CEP126: variants seen among roughly 807,000 people sequenced by gnomAD.
CEP126 encodes centrosomal protein 126.
CEP126 carries 74 observed loss-of-function variants against 107.8 expected under a neutral mutation model. The observed-to-expected ratio is 0.69, with a 90% CI of 0.57 to 0.83. The LOEUF (loss-of-function observed/expected upper bound fraction) is 0.83. Among genes scored for constraint, CEP126 ranks in the 40% least tolerant of loss-of-function variants. The probability of loss-of-function intolerance (pLI) is 0.00; values close to 1 mark genes in which losing one functional copy is unlikely to be tolerated. For missense variants in CEP126, 1,237 were observed against 1,281.9 expected, an observed-to-expected ratio of 0.96 and a Z score of 0.53; for synonymous variants, 449 against 446.0, an observed-to-expected ratio of 1.01 and a Z score of -0.08.
In CEP126 at chr11:101,958,215, A is replaced by AG. The variant is rs751155086; in HGVS notation, c.555dup (p.His186AlafsTer12). 1.2e-6 allele frequency: 2 copies of AG among 1,614,006 alleles called. No homozygotes were observed. The highest frequency in any genetic ancestry group is 1.7e-6 in the Non-Finnish European group (2 of 1,179,926). ...TCCGCATTATCAAAAAATGATCACA[A>AG]GCATCAGAAACAACTCTTATCCAAA... On this transcript the variant is annotated frameshift_variant, in exon 5 of 11. Transcript: ENST00000263468. LOFTEE classifies it high-confidence loss of function.
rs1217102199 is a variant in CEP126 at position 101,962,851 on chromosome 11, G to A, written c.1816G>A (p.Ala606Thr). ...GAGCTTTAAGTTTGGAAATCAAAAAGCAGCAGCTATCAGAGATAGTATTGA... is the reference window on the plus strand; with the variant it reads ...GAGCTTTAAGTTTGGAAATCAAAAAACAGCAGCTATCAGAGATAGTATTGA... ...NQSFKFGNQK[A>T]AAIRDSIELT... The change falls in exon 6 of 11, where the codon GCA becomes ACA. Residue 606 changes from alanine to threonine, a missense_variant. This residue lies in a region of CEP126 where 1,134 missense variants were observed against 1,150.5 expected (regional missense o/e 0.99). Transcript: ENST00000263468. The A allele has an allele frequency of 8.1e-6, 13 of 1,604,820 alleles. No individual in the cohort carries two copies. The highest frequency in any genetic ancestry group is 1.7e-5 in the Admixed American group (1 of 57,944).
intron 6 of CEP126, among the ~76,000 whole-genome samples, chr11:101,977,464 C>T (rs61916026): frequency 0.012 from 1,755 of 151,744 alleles, 22 homozygotes; most frequent in Non-Finnish European, 0.02. Context: ...AACCCCGTCT[C>T]TACTAAAAAT....
chr11:101,931,910 G>A (rs192803782), intron 2 of CEP126, among the ~76,000 whole-genome samples: 2 of 152,280 alleles, frequency 1.3e-5, no homozygotes, highest in African/African-American at 2.4e-5. Flanking sequence ...CAAATAGTTC[G>A]GCATATAGCT....
chr11:101,975,064 G>T (rs1419720835), intron 6 of CEP126, among the ~76,000 whole-genome samples: 4 of 152,110 alleles, frequency 2.6e-5, no homozygotes, highest in Non-Finnish European at 4.4e-5. Flanking sequence ...GACTTCTCAA[G>T]ATTTAGAGGA....
chr11:101,924,512 C>T (rs1191336737), intron 2 of CEP126, among the ~76,000 whole-genome samples: 1 of 152,030 alleles, frequency 6.6e-6, no homozygotes, highest in Admixed American at 6.6e-5. Flanking sequence ...GTCACTCAGG[C>T]TGGAGTACAG....
At position 101,992,045 on chromosome 11, in the gene CEP126, T is replaced by C. The variant is rs549235439; in HGVS notation, c.3245-733T>C. ...CAGGAAGCTTCCAAGGTAGTGATAATGTTCAAATTTCTTAATCTAGGTGGT... is the reference window on the plus strand; with the variant it reads ...CAGGAAGCTTCCAAGGTAGTGATAACGTTCAAATTTCTTAATCTAGGTGGT... On this transcript the variant is annotated intron_variant, in intron 9 of 10. Coordinates refer to ENST00000263468, the MANE Select transcript of CEP126 (RefSeq NM_020802.4). Among the ~76,000 whole-genome samples, 22 of 152,252 alleles carry C rather than the reference T, an allele frequency of 1.4e-4. No individual in the cohort carries two copies. The South Asian group carries it at 3.9e-3, about 27-fold the overall frequency.
chr11:101,992,111 A>G (rs1170760743), intron 9 of CEP126, among the ~76,000 whole-genome samples: 2 of 151,954 alleles, frequency 1.3e-5, no homozygotes, highest in African/African-American at 2.4e-5. Flanking sequence ...TAAAATATGC[A>G]TATGTTTTAT....
At chr11:101,916,796 A>T (rs56158061) in intron 1 of CEP126, among the ~76,000 whole-genome samples, 3,895 of 152,172 alleles carry the variant, frequency 0.026, 164 homozygotes, top group African/African-American at 0.089. Flanking sequence ...TTTAAATTTT[A>T]TGTGGTATAA....
At chr11:101,959,921 A>G (rs1196472785) in intron 5 of CEP126, among the ~76,000 whole-genome samples, 1 of 152,232 alleles carries the variant, frequency 6.6e-6, no homozygotes, top group African/African-American at 2.4e-5. Flanking sequence ...AGCCATCAAC[A>G]CATTTAATTA....
chr11:101,976,389 G>C (rs186934318), intron 6 of CEP126, among the ~76,000 whole-genome samples: 84 of 152,132 alleles, frequency 5.5e-4, no homozygotes, highest in African/African-American at 2.0e-3. Flanking sequence ...GATGATAATA[G>C]TGCCTATGGC....
intron 6 of CEP126, among the ~76,000 whole-genome samples, chr11:101,969,057 G>A (rs1173172670): frequency 6.6e-6 from 1 of 152,080 alleles, no homozygotes; most frequent in Non-Finnish European, 1.5e-5. Flanking sequence ...GTCTCACTCT[G>A]TCACCCAGGC....
intron 4 of CEP126, 152 bp from the exon 5 acceptor site, chr11:101,958,016 A>G: frequency 2.9e-6 from 2 of 683,958 alleles, no homozygotes; most frequent in Non-Finnish European, 4.9e-6. Context: ...TTAAATTCTC[A>G]TTCTAACATG....
chr11:101,999,090 A>G lies in CEP126; in HGVS notation c.*1447A>G, dbSNP rs1941478001. On this transcript the variant is annotated 3_prime_UTR_variant, in exon 11 of 11. Coordinates refer to ENST00000263468, the MANE Select transcript of CEP126 (RefSeq NM_020802.4). ...TTAATTTTAAGAATAGGATTTCGGA[A>G]GGCGACAGAAAATTTAGTTCTTAGA... 1.3e-5 allele frequency: 2 copies of G among 152,216 alleles called. No individual in the cohort carries two copies. The highest frequency in any genetic ancestry group is 4.8e-5 in the African/African-American group (2 of 41,448). 9.4% of individuals were successfully genotyped at this position (152,216 alleles called of 1,614,324 possible). A position where few individuals can be genotyped will look rare whatever the true frequency, so the allele number is the denominator to read the frequency against.
At position 101,962,016 on chromosome 11, in the gene CEP126, C is replaced by T; in HGVS notation, c.981C>T (p.Phe327=). The T allele has an allele frequency of 1.2e-6, 2 of 1,613,048 alleles. No individual in the cohort carries two copies. The highest frequency in any genetic ancestry group is 1.7e-6 in the Non-Finnish European group (2 of 1,179,514). ...DASNTQNVTA[F]SDILSKSNVL... ...CAAATACTCAGAATGTCACAGCTTT[C>T]TCAGATATTTTAAGTAAATCTAATG... Residue 327 remains phenylalanine (F), a synonymous_variant, in exon 6 of 11, where the codon TTC becomes TTT. Transcript: ENST00000263468.
chr11:101,980,756 T>C (rs956922929), intron 7 of CEP126, among the ~76,000 whole-genome samples: 1 of 152,238 alleles, frequency 6.6e-6, no homozygotes, highest in Non-Finnish European at 1.5e-5. Flanking sequence ...CCATGACATC[T>C]ATATGGAGAA....
rs1190894734 is a variant in CEP126, at chr11:101,986,997, A to G, written c.3200A>G (p.Gln1067Arg). The change falls in exon 9 of 11, where the codon CAG becomes CGG. Residue 1067 changes from glutamine to arginine, a missense_variant. This residue lies in a region of CEP126 where 99 missense variants were observed against 114.4 expected (regional missense o/e 0.87). Coordinates refer to ENST00000263468, the MANE Select transcript of CEP126 (RefSeq NM_020802.4). ...FNICTLSAEE[Q>R]KILESLNDLS... ...ATCTGCACACTGTCAGCTGAAGAAC[A>G]GAAGATCCTAGAGTCCCTTAATGAT... The G allele has an allele frequency of 6.2e-7, 1 of 1,613,506 alleles. No homozygotes were observed. The highest frequency in any genetic ancestry group is 8.5e-7 in the Non-Finnish European group (1 of 1,179,620).
intron 6 of CEP126, among the ~76,000 whole-genome samples, chr11:101,971,299 A>G (rs555313450): frequency 6.6e-6 from 1 of 151,230 alleles, no homozygotes; most frequent in East Asian, 2.0e-4. Flanking sequence ...AAAACTCTGA[A>G]TAACAACAGA....
intron 6 of CEP126, among the ~76,000 whole-genome samples, chr11:101,964,449 C>T (rs146821503): frequency 5.3e-5 from 8 of 151,336 alleles, no homozygotes; most frequent in East Asian, 3.9e-4. Context: ...GCCTGGCCAA[C>T]GTGACGAAAC....
At chr11:101,937,018 A>G (rs1223001247) in intron 2 of CEP126, among the ~76,000 whole-genome samples, 1 of 152,196 alleles carries the variant, frequency 6.6e-6, no homozygotes, top group Non-Finnish European at 1.5e-5. Context: ...GAATATTTGT[A>G]CATACATAAT....
Sources: allele counts gnomAD v4.1 joint callset (sites outside exome capture counted in the v4.1 genomes callset), GRCh38; gene constraint gnomAD v4.1.1; regional missense constraint gnomAD v4.1.1; transcripts MANE v1.5; gene names NCBI Gene and HGNC (gene_info 2026-07-23, HGNC 2026-07-21).